Variants in ZNF98 observed in about 807,000 individuals in gnomAD.
ZNF98 encodes the protein zinc finger protein 98.
ZNF98 carries 8 observed loss-of-function variants against 12.8 expected under a neutral mutation model. The observed-to-expected ratio is 0.63, with a 90% CI of 0.37 to 1.13. The LOEUF (loss-of-function observed/expected upper bound fraction) is 1.13, where lower values mean the gene tolerates loss of function less well. Among genes scored for constraint, ZNF98 ranks in the 50% most tolerant of loss-of-function variants. The pLI, the probability that ZNF98 is intolerant of heterozygous loss-of-function variation, is 0.01. For missense variants in ZNF98, 379 were observed against 666.1 expected, an observed-to-expected ratio of 0.57 and a Z score of 4.74; for synonymous variants, 112 against 223.5, an observed-to-expected ratio of 0.50 and a Z score of 4.45.
At chr19:22,394,446 T>C (rs1415823309) in intron 3 of ZNF98, among the ~76,000 whole-genome samples, 2 of 152,122 alleles carry the variant, frequency 1.3e-5, no homozygotes, top group African/African-American at 4.8e-5. Context: ...CAAATGTCCA[T>C]CAATGATAGA....
Position 22,422,302 on chromosome 19 carries a change from G to A in ZNF98, c.-78C>T, listed in dbSNP as rs1256056380. 2.6e-6 allele frequency: 4 copies of A among 1,558,642 alleles called. No homozygotes were observed. The highest frequency in any genetic ancestry group is 2.6e-6 in the Non-Finnish European group (3 of 1,133,410). On this transcript the variant is annotated 5_prime_UTR_variant, in exon 1 of 4. Coordinates refer to ENST00000357774, the MANE Select transcript of ZNF98 (RefSeq NM_001098626.2). ...CTCTACGAGCAGAGGACACAGAAGG[G>A]CGAAGACGAGACCAGGAACTCCGGC... is the stretch of plus-strand genomic sequence containing the variant.
chr19:22,404,898 T>C (rs1292001313), intron 1 of ZNF98, among the ~76,000 whole-genome samples: 2 of 152,170 alleles, frequency 1.3e-5, no homozygotes, highest in Non-Finnish European at 2.9e-5. Context: ...AGAACAGAGA[T>C]AGAACCTCAA....
chr19:22,398,177 A>G (rs1323883601), intron 3 of ZNF98, among the ~76,000 whole-genome samples: 1 of 152,258 alleles, frequency 6.6e-6, no homozygotes, highest in Non-Finnish European at 1.5e-5. Context: ...TGATGACTTT[A>G]TGCAAAATAA....
intron 1 of ZNF98, among the ~76,000 whole-genome samples, chr19:22,418,684 GC>G (rs1167510760): frequency 6.6e-6 from 1 of 152,136 alleles, no homozygotes; most frequent in African/African-American, 2.4e-5. Context: ...TTCGAGAGCA[GC>G]CTGGCCAACG....
chr19:22,407,117 C>T (rs1161897289), intron 1 of ZNF98, among the ~76,000 whole-genome samples: 3 of 151,652 alleles, frequency 2.0e-5, no homozygotes, highest in Non-Finnish European at 2.9e-5. Flanking sequence ...AGTGCAGTGG[C>T]GCGATCTTGG....
chr19:22,403,302 A>G, intron 2 of ZNF98, 84 bp downstream of exon 2: 1 of 1,519,590 alleles, frequency 6.6e-7, no homozygotes, highest in South Asian at 1.3e-5. Context: ...TGAAAGCATA[A>G]ACTACCAAAA....
intron 1 of ZNF98, among the ~76,000 whole-genome samples, chr19:22,413,326 C>A (rs1255861203): frequency 6.6e-6 from 1 of 151,980 alleles, no homozygotes; most frequent in African/African-American, 2.4e-5. Flanking sequence ...GACATAATGC[C>A]GTACCTGAAA....
chr19:22,401,643 C>T (rs1396859597), intron 3 of ZNF98, among the ~76,000 whole-genome samples: 1 of 151,570 alleles, frequency 6.6e-6, no homozygotes, highest in African/African-American at 2.4e-5. Flanking sequence ...GTCACCACGC[C>T]TGACTAATTT....
intron 1 of ZNF98, among the ~76,000 whole-genome samples, chr19:22,415,681 G>C (rs1157701883): frequency 2.0e-5 from 3 of 151,962 alleles, no homozygotes; most frequent in South Asian, 4.2e-4. Context: ...CTATGTGGGG[G>C]GCTAAAGTAA....
At chr19:22,415,236 G>A (rs2145121702) in intron 1 of ZNF98, among the ~76,000 whole-genome samples, 1 of 152,194 alleles carries the variant, frequency 6.6e-6, no homozygotes, top group Non-Finnish European at 1.5e-5. Context: ...ATGCTGGCAA[G>A]GTTACAGGAA....
Position 22,422,307 on chromosome 19 carries a change from G to A in ZNF98, c.-83C>T, listed in dbSNP as rs1969713945. The A allele has an allele frequency of 6.5e-7, 1 of 1,545,124 alleles. No homozygotes were observed. The highest frequency in any genetic ancestry group is 8.9e-7 in the Non-Finnish European group (1 of 1,121,242). On this transcript the variant is annotated 5_prime_UTR_variant, in exon 1 of 4. Coordinates refer to ENST00000357774, the MANE Select transcript of ZNF98 (RefSeq NM_001098626.2). ...CGAGCAGAGGACACAGAAGGGCGAA[G>A]ACGAGACCAGGAACTCCGGCTGCAG...
chr19:22,422,029 C>T (rs369659001), intron 1 of ZNF98, among the ~76,000 whole-genome samples, 166 bp downstream of exon 1: 14 of 152,108 alleles, frequency 9.2e-5, no homozygotes, highest in Admixed American at 5.9e-4. Context: ...TCAGCGCAGC[C>T]GCCATCTTAT....
At position 22,414,318 on chromosome 19, in the gene ZNF98, A is replaced by C. The variant is rs1433399760; in HGVS notation, c.30+7877T>G. ...AATGGTCATACTGTCAAAAAATTAG[A>C]TTTGCTATTTTTATCAAACTACCAA... is the stretch of plus-strand genomic sequence containing the variant. On this transcript the variant is annotated intron_variant, in intron 1 of 3. Transcript: ENST00000357774. 2.6e-5 allele frequency among the ~76,000 whole-genome samples: 4 copies of C among 151,990 alleles called. No individual in the cohort carries two copies. In the East Asian group the frequency reaches 7.7e-4, roughly 29 times the overall value.
chr19:22,399,348 G>A (rs1599385008), intron 3 of ZNF98, among the ~76,000 whole-genome samples: 4 of 152,092 alleles, frequency 2.6e-5, no homozygotes, highest in Admixed American at 2.0e-4. Flanking sequence ...TGATAAATAA[G>A]CATTTTAATA....
At position 22,402,846 on chromosome 19, in the gene ZNF98, C is replaced by G. The variant is rs749047283; in HGVS notation, c.196G>C (p.Glu66Gln). 4 of 1,591,166 alleles carry G rather than the reference C, an allele frequency of 2.5e-6. No individual in the cohort carries two copies. Among genetic ancestry groups the G allele is most frequent in the Non-Finnish European group, 3.4e-6 (4 of 1,173,992 alleles). The change falls in exon 3 of 4, where the codon GAG becomes CAG. Residue 66 changes from glutamate (E) to glutamine (Q), a missense_variant. This residue lies in a region of ZNF98 where 223 missense variants were observed against 261.6 expected (regional missense o/e 0.85). Coordinates refer to ENST00000357774, the MANE Select transcript of ZNF98 (RefSeq NM_001098626.2). The part of the protein sequence containing the change: ...ASKPDLITCL[E>Q]QGKEPWNVKR... The stretch of plus-strand genomic sequence containing the variant: ...ACATTCCAAGGTTCTTTTCCTTGCT[C>G]CAGACAGGTGATCAGGTCTGGCTTA...
At chr19:22,403,829 A>C (rs1969488908) in intron 1 of ZNF98, among the ~76,000 whole-genome samples, 1 of 152,280 alleles carries the variant, frequency 6.6e-6, no homozygotes, top group African/African-American at 2.4e-5. Flanking sequence ...TAAGTTGTGT[A>C]AATTTTTCAG....
At chr19:22,414,814 A>C (rs1969622106) in intron 1 of ZNF98, among the ~76,000 whole-genome samples, 1 of 152,152 alleles carries the variant, frequency 6.6e-6, no homozygotes. Context: ...CTAGACACAG[A>C]AGCCGGCAAA....
rs115603384 is a variant in ZNF98, at chr19:22,415,031, C to G, written c.30+7164G>C. 6.9e-3 allele frequency among the ~76,000 whole-genome samples: 1,052 copies of G among 151,444 alleles called. 9 individuals are homozygous for G. The highest frequency in any genetic ancestry group is 0.041 in the Middle Eastern group (12 of 290). On this transcript the variant is annotated intron_variant, in intron 1 of 3. Transcript: ENST00000357774. ...TTTATAAGAAACTTAAACAAGTTTA[C>G]AGAAAAAAGAAAGGCCTCACTAAAT...
chr19:22,397,193 T>TGC (rs1045786325), intron 3 of ZNF98, among the ~76,000 whole-genome samples: 1 of 78,294 alleles, frequency 1.3e-5, no homozygotes, highest in Non-Finnish European at 3.1e-5. Context: ...TGTACATCTG[T>TGC]GTGTGTGTGT....
Sources: allele counts gnomAD v4.1 joint callset (sites outside exome capture counted in the v4.1 genomes callset), GRCh38; gene constraint gnomAD v4.1.1; regional missense constraint gnomAD v4.1.1; transcripts MANE v1.5; gene names NCBI Gene and HGNC (gene_info 2026-07-23, HGNC 2026-07-21).